The following FAM81B variants were observed in gnomAD, a reference collection of about 807,000 sequenced individuals.
FAM81B encodes the protein family with sequence similarity 81 member B.
Under a neutral mutation model 58.7 loss-of-function variants are expected in FAM81B, and 60 were observed. That is an observed-to-expected ratio of 1.02 (90% CI 0.83 to 1.27). The LOEUF is 1.27. Ranked by LOEUF, FAM81B falls within the 50% of genes most tolerant of loss-of-function variation. The probability of loss-of-function intolerance (pLI) is 0.00; values close to 1 mark genes in which losing one functional copy is unlikely to be tolerated. For synonymous variants in FAM81B, 189 were observed against 179.6 expected (o/e 1.05, Z -0.42); for missense variants, 491 against 522.0 (o/e 0.94, Z 0.58).
At chr5:95,429,322 G>A (rs1744780126) in intron 6 of FAM81B, among the ~76,000 whole-genome samples, 1 of 152,146 alleles carries the variant, frequency 6.6e-6, no homozygotes, top group Non-Finnish European at 1.5e-5. Context: ...TGCCTGAAGT[G>A]TCTCTTTTTC....
intron 3 of FAM81B, among the ~76,000 whole-genome samples, chr5:95,401,792 C>A (rs149671170): frequency 1.3e-5 from 2 of 152,196 alleles, no homozygotes; most frequent in Non-Finnish European, 2.9e-5. Context: ...TTCACAAGAA[C>A]AGAACAGGCA....
intron 3 of FAM81B, among the ~76,000 whole-genome samples, chr5:95,402,051 T>A (rs1762128205): frequency 1.3e-5 from 2 of 152,200 alleles, no homozygotes; most frequent in African/African-American, 4.8e-5. Flanking sequence ...TTTCTTTCCT[T>A]TCATAGTTAA....
rs112674982 is a variant in FAM81B, at chr5:95,421,495, T to C, written c.656+1093T>C. Among the ~76,000 whole-genome samples the C allele has an allele frequency of 2.4e-3, 358 of 152,202 alleles. 2 individuals are homozygous for C. Among genetic ancestry groups the C allele is most frequent in the African/African-American group, 8.1e-3 (336 of 41,530 alleles). The stretch of plus-strand genomic sequence containing the variant: ...GTTATGGTATTTTGGAGAAGGCATT[T>C]TGAGAAAGTTGGGACAGGAAGCCAG... On this transcript the variant is annotated intron_variant, in intron 5 of 9. Transcript: ENST00000283357.
intron 6 of FAM81B, among the ~76,000 whole-genome samples, chr5:95,435,153 C>T (rs1745051039): frequency 6.6e-6 from 1 of 152,196 alleles, no homozygotes; most frequent in Non-Finnish European, 1.5e-5. Flanking sequence ...ATGGTCTGGA[C>T]ACTCGTGATG....
At chr5:95,399,760 C>T (rs142440758) in intron 3 of FAM81B, among the ~76,000 whole-genome samples, 355 of 152,190 alleles carry the variant, frequency 2.3e-3, no homozygotes, top group Non-Finnish European at 4.2e-3. Flanking sequence ...CTTAGGACTC[C>T]GAGGAGAGAT....
chr5:95,415,744 A>C (rs555251342), intron 4 of FAM81B, among the ~76,000 whole-genome samples: 2 of 152,148 alleles, frequency 1.3e-5, no homozygotes, highest in Non-Finnish European at 2.9e-5. Flanking sequence ...GAAACATTGA[A>C]CTGTTTCTAA....
At chr5:95,425,174 CA>C (rs397948199) in intron 5 of FAM81B, among the ~76,000 whole-genome samples, 233 of 127,072 alleles carry the variant, frequency 1.8e-3, no homozygotes, top group Admixed American at 2.1e-3. Context: ...ACGAATTCTT[CA>C]AAAAAAAAAA....
chr5:95,428,183 G>A (rs941825706), intron 5 of FAM81B, among the ~76,000 whole-genome samples: 1 of 152,190 alleles, frequency 6.6e-6, no homozygotes, highest in African/African-American at 2.4e-5. Flanking sequence ...GCCAAGAAAA[G>A]AGGATAAAGA....
chr5:95,424,262 C>T (rs1762765240), intron 5 of FAM81B: 1 of 1,265,588 alleles, frequency 7.9e-7, no homozygotes, highest in African/African-American at 1.5e-5. Flanking sequence ...CTTCCACTAT[C>T]ATCCCCAGAT....
At chr5:95,444,243 G>A (rs1281973401) in intron 7 of FAM81B, among the ~76,000 whole-genome samples, 1 of 152,112 alleles carries the variant, frequency 6.6e-6, no homozygotes, top group Non-Finnish European at 1.5e-5. Flanking sequence ...CTATATTCCA[G>A]GCATTGTTAT....
At chr5:95,417,815 G>A (rs923681230) in intron 4 of FAM81B, among the ~76,000 whole-genome samples, 4 of 152,054 alleles carry the variant, frequency 2.6e-5, no homozygotes, top group East Asian at 3.9e-4. Flanking sequence ...TTTCACATAC[G>A]GCTCCAGGCT....
At chr5:95,441,048 C>T (rs1444489318) in intron 7 of FAM81B, among the ~76,000 whole-genome samples, 2 of 152,078 alleles carry the variant, frequency 1.3e-5, no homozygotes, top group Non-Finnish European at 2.9e-5. Context: ...AAGGTAATTC[C>T]GTCTCCACCA....
chr5:95,439,045 T>A (rs1442858440), intron 7 of FAM81B, among the ~76,000 whole-genome samples: 1 of 150,922 alleles, frequency 6.6e-6, no homozygotes, highest in Non-Finnish European at 1.5e-5. Flanking sequence ...ATGTTCTAAG[T>A]TTTTTATAGC....
chr5:95,397,862 C>T (rs1762003699), intron 3 of FAM81B, among the ~76,000 whole-genome samples: 1 of 152,160 alleles, frequency 6.6e-6, no homozygotes, highest in Admixed American at 6.5e-5. Context: ...TGCAAACTCC[C>T]TAAAGGAAGG....
chr5:95,435,110 T>C (rs1745049106), intron 6 of FAM81B, among the ~76,000 whole-genome samples: 1 of 152,210 alleles, frequency 6.6e-6, no homozygotes, highest in Admixed American at 6.5e-5. Flanking sequence ...AAAGGACTAC[T>C]CAGACATTGG....
At chr5:95,411,632 G>A (rs1368056632) in intron 3 of FAM81B, among the ~76,000 whole-genome samples, 2 of 152,136 alleles carry the variant, frequency 1.3e-5, no homozygotes, top group Admixed American at 6.5e-5. Context: ...ACACCATGAC[G>A]ATAACCTAAG....
chr5:95,409,486 T>TTTTTTTCTTTTTTTTTTTTTTG (rs1554043553), intron 3 of FAM81B, among the ~76,000 whole-genome samples: 1 of 151,400 alleles, frequency 6.6e-6, no homozygotes, highest in Non-Finnish European at 1.5e-5. Context: ...GAATTTTTCT[T>TTTTTTTCTTTTTTTTTTTTTTG]AATGTGGCTA....
chr5:95,391,404 C>T lies in FAM81B; in HGVS notation c.15C>T (p.Phe5=). The change falls in exon 1 of 10, where the codon TTC becomes TTT. Residue 5 remains phenylalanine, a synonymous_variant. Coordinates refer to ENST00000283357, the MANE Select transcript of FAM81B (RefSeq NM_152548.3). ...CCTTAGTTAGGATGCAATTACAATT[C>T]CTTGGTACATTGGCTTCCTCAGAAA... The part of the protein sequence containing the change: MQLQ[F]LGTLASSEKR... 1 of 1,613,282 alleles carries T rather than the reference C, an allele frequency of 6.2e-7. No homozygotes were observed.
intron 4 of FAM81B, among the ~76,000 whole-genome samples, chr5:95,416,320 A>G: frequency 6.6e-6 from 1 of 152,236 alleles, no homozygotes; most frequent in East Asian, 1.9e-4. Context: ...AGGTCCATAA[A>G]TGAAATGAAA....
Sources: allele counts gnomAD v4.1 joint callset (sites outside exome capture counted in the v4.1 genomes callset), GRCh38; gene constraint gnomAD v4.1.1; transcripts MANE v1.5; gene names NCBI Gene and HGNC (gene_info 2026-07-23, HGNC 2026-07-21).